Variants in CSMD1 observed in about 807,000 individuals in gnomAD.
CSMD1 encodes the protein CUB and sushi domain-containing protein 1.
Under a neutral mutation model 417.5 loss-of-function variants are expected in CSMD1, and 213 were observed. The ratio of observed to expected loss-of-function variants is 0.51; its 90% CI spans 0.46 to 0.57. CSMD1 has a LOEUF of 0.57. CSMD1 is among the 20% of genes least tolerant of loss of function. The pLI is 0.00. For missense variants in CSMD1, 6,923 were observed against 4,529.7 expected (o/e 1.53, Z -15.17); for synonymous variants, 2,862 against 1,736.8 (o/e 1.65, Z -16.11).
chr8:4,069,029 T>C (rs751605290), intron 3 of CSMD1, among the ~76,000 whole-genome samples: 42 of 152,250 alleles, frequency 2.8e-4, no homozygotes, highest in Non-Finnish European at 4.4e-4. Context: ...ACTTTGCTTA[T>C]GTTTTATTCT....
At chr8:4,004,968 T>A (rs1291858319) in intron 4 of CSMD1, among the ~76,000 whole-genome samples, 1 of 152,112 alleles carries the variant, frequency 6.6e-6, no homozygotes, top group Non-Finnish European at 1.5e-5. Context: ...ATGGTCTCAA[T>A]CTCCTGACCT....
intron 10 of CSMD1, among the ~76,000 whole-genome samples, chr8:3,510,275 G>C (rs1468397729): frequency 6.6e-6 from 1 of 151,830 alleles, no homozygotes; most frequent in Admixed American, 6.5e-5. Flanking sequence ...TGCAGCCCAG[G>C]CTTCTCACTC....
chr8:3,940,529 G>A (rs1410790229), intron 5 of CSMD1, among the ~76,000 whole-genome samples: 1 of 134,676 alleles, frequency 7.4e-6, no homozygotes, highest in African/African-American at 2.8e-5. Flanking sequence ...GTGTGTGTGT[G>A]TGTGTGTATG....
intron 5 of CSMD1, among the ~76,000 whole-genome samples, chr8:3,975,275 T>C (rs1003270759): frequency 2.0e-5 from 3 of 152,224 alleles, no homozygotes; most frequent in African/African-American, 7.2e-5. Flanking sequence ...CTTGGGGTTG[T>C]TGCTATTTTA....
chr8:4,711,893 G>A (rs1388193217), intron 1 of CSMD1, among the ~76,000 whole-genome samples: 1 of 152,182 alleles, frequency 6.6e-6, no homozygotes, highest in Non-Finnish European at 1.5e-5. Flanking sequence ...AATAATACCA[G>A]CTGGATTAAG....
chr8:4,654,553 G>A (rs1210123298), intron 1 of CSMD1, among the ~76,000 whole-genome samples: 1 of 152,064 alleles, frequency 6.6e-6, no homozygotes, highest in African/African-American at 2.4e-5. Context: ...AGTTTAGAGG[G>A]GGAGGAATGG....
chr8:4,292,781 G>C (rs764223764), intron 3 of CSMD1, among the ~76,000 whole-genome samples: 3 of 152,078 alleles, frequency 2.0e-5, no homozygotes, highest in Non-Finnish European at 4.4e-5. Flanking sequence ...ACAATCTTCA[G>C]TAGTCCCAAC....
At chr8:4,470,816 T>TCTGAATCGATGTTGTCTCTGGG (rs1800486539) in intron 2 of CSMD1, among the ~76,000 whole-genome samples, 1 of 152,248 alleles carries the variant, frequency 6.6e-6, no homozygotes, top group African/African-American at 2.4e-5. Flanking sequence ...TTACAGGTTA[T>TCTGAATCGATGTTGTCTCTGGG]CTGAATCGAT....
At chr8:3,290,605 C>G (rs1329422714) in intron 25 of CSMD1, among the ~76,000 whole-genome samples, 2 of 147,018 alleles carry the variant, frequency 1.4e-5, no homozygotes, top group East Asian at 2.0e-4. Flanking sequence ...TGGGAGTTCA[C>G]TCATGATTTG....
chr8:4,351,550 C>T (rs185807630), intron 3 of CSMD1, among the ~76,000 whole-genome samples: 7 of 152,172 alleles, frequency 4.6e-5, no homozygotes, highest in Admixed American at 2.0e-4. Context: ...AGAAAGTGGC[C>T]GGTCAGTTTG....
At chr8:4,193,848 A>G (rs1799181307) in intron 3 of CSMD1, among the ~76,000 whole-genome samples, 1 of 152,050 alleles carries the variant, frequency 6.6e-6, no homozygotes, top group Non-Finnish European at 1.5e-5. Context: ...CGTGTTTCCC[A>G]TTCATTCTTC....
chr8:3,513,816 C>G (rs1373890550), intron 10 of CSMD1, among the ~76,000 whole-genome samples: 1 of 152,036 alleles, frequency 6.6e-6, no homozygotes, highest in Non-Finnish European at 1.5e-5. Context: ...TAATAGAGTA[C>G]AGAATAAGAA....
At chr8:3,921,898 C>T (rs1253513546) in intron 5 of CSMD1, among the ~76,000 whole-genome samples, 1 of 152,076 alleles carries the variant, frequency 6.6e-6, no homozygotes, top group African/African-American at 2.4e-5. Flanking sequence ...CTGTTAGGTC[C>T]ATCTGGTCCA....
chr8:3,906,220 G>C (rs1408640996), intron 5 of CSMD1, among the ~76,000 whole-genome samples: 1 of 152,028 alleles, frequency 6.6e-6, no homozygotes, highest in South Asian at 2.1e-4. Context: ...TATCTTGATT[G>C]TGACCACAAA....
intron 23 of CSMD1, among the ~76,000 whole-genome samples, chr8:3,341,403 T>C (rs1278024486): frequency 6.6e-6 from 1 of 152,114 alleles, no homozygotes; most frequent in Non-Finnish European, 1.5e-5. Context: ...TGCATCACCA[T>C]GAGAAAATGA....
chr8:3,666,720 C>A (rs534595695), intron 7 of CSMD1, among the ~76,000 whole-genome samples: 1 of 152,186 alleles, frequency 6.6e-6, no homozygotes, highest in Non-Finnish European at 1.5e-5. Context: ...TAAGGGGAAA[C>A]CCCTTTGGCT....
intron 3 of CSMD1, among the ~76,000 whole-genome samples, chr8:4,109,519 G>C (rs12334807): frequency 0.012 from 1,853 of 152,194 alleles, 45 homozygotes; most frequent in African/African-American, 0.041. Context: ...TAGACTTATT[G>C]TCAGTAGTCA....
Position 4,278,114 on chromosome 8 carries a change from C to A in CSMD1, c.415+141839G>T, listed in dbSNP as rs188621046. Among the ~76,000 whole-genome samples, 242 of 152,274 alleles carry A rather than the reference C, an allele frequency of 1.6e-3. 1 individual carries two copies. Among genetic ancestry groups the A allele is most frequent in the Non-Finnish European group, 2.0e-3 (137 of 68,014 alleles). ...TATAAAATCCTTTATGGTTCTCTTT[C>A]TCCTTATGCTCATATAACTTCCACC... On this transcript the variant is annotated intron_variant, in intron 3 of 69. Coordinates refer to ENST00000635120, the MANE Select transcript of CSMD1 (RefSeq NM_033225.6).
At position 4,364,514 on chromosome 8, in the gene CSMD1, T is replaced by G. The variant is rs184104057; in HGVS notation, c.415+55439A>C. The stretch of plus-strand genomic sequence containing the variant: ...TTTCTAGAAGACTCTACATTGTCAG[T>G]TAAAACATTTTTTAAAAAGATAATC... On this transcript the variant is annotated intron_variant, in intron 3 of 69. Coordinates refer to ENST00000635120, the MANE Select transcript of CSMD1 (RefSeq NM_033225.6). 1.2e-3 allele frequency among the ~76,000 whole-genome samples: 188 copies of G among 152,264 alleles called. 1 individual carries two copies. In the Middle Eastern group the frequency reaches 0.014, roughly 11 times the overall value.
Sources: allele counts gnomAD v4.1 joint callset (sites outside exome capture counted in the v4.1 genomes callset), GRCh38; gene constraint gnomAD v4.1.1; transcripts MANE v1.5; gene names NCBI Gene and HGNC (gene_info 2026-07-23, HGNC 2026-07-21).